Variants in ABCA5 observed in about 807,000 individuals in gnomAD.
ABCA5 encodes the protein ATP binding cassette subfamily A member 5.
A neutral mutation model predicts 206.0 loss-of-function variants in ABCA5; 163 were observed. The ratio of observed to expected loss-of-function variants is 0.79; its 90% CI spans 0.70 to 0.90. ABCA5 has a LOEUF of 0.90. Ranked by LOEUF, ABCA5 falls within the 40% of genes least tolerant of loss-of-function variation. ABCA5 has a pLI of 0.00. For missense variants in ABCA5, 1,859 were observed against 1,912.9 expected (o/e 0.97, Z 0.53); for synonymous variants, 609 against 613.8 (o/e 0.99, Z 0.11).
chr17:69,250,040 A>G, intron 36 of ABCA5, 56 bp from the exon 37 acceptor site: 2 of 1,098,730 alleles, frequency 1.8e-6, no homozygotes, highest in Non-Finnish European at 2.5e-6. Flanking sequence ...ATTATGTTCT[A>G]AAGCTAAAGT....
At chr17:69,279,710 G>A (rs2075371157) in intron 18 of ABCA5, among the ~76,000 whole-genome samples, 1 of 151,990 alleles carries the variant, frequency 6.6e-6, no homozygotes, top group Non-Finnish European at 1.5e-5. Flanking sequence ...ACAGAACAGA[G>A]CCCTCAGAAA....
chr17:69,312,320 G>A (rs1048096674), intron 3 of ABCA5, among the ~76,000 whole-genome samples: 1 of 152,110 alleles, frequency 6.6e-6, no homozygotes, highest in Non-Finnish European at 1.5e-5. Flanking sequence ...TGGCACTTTA[G>A]GTGGAGGCCA....
chr17:69,253,546 G>A lies in ABCA5; in HGVS notation c.4415+27C>T, dbSNP rs776326867. On this transcript the variant is annotated intron_variant, in intron 34 of 38. Transcript: ENST00000392676. Reference sequence around the variant, plus strand: ...AAACTGTTCTATTCTAAAGTATCATGTACTGTGTCACAAGTACCATACTCA... The same window carrying A: ...AAACTGTTCTATTCTAAAGTATCATATACTGTGTCACAAGTACCATACTCA... The A allele has an allele frequency of 2.0e-6, 3 of 1,473,430 alleles. No homozygotes were observed. The South Asian group carries it at 3.4e-5, about 17-fold the overall frequency. 91.3% of individuals were successfully genotyped at this position (1,473,430 alleles called of 1,614,324 possible).
chr17:69,308,310 T>C lies in ABCA5; in HGVS notation c.528A>G (p.Leu176=). 2 of 1,611,736 alleles carry C rather than the reference T, an allele frequency of 1.2e-6. No individual in the cohort carries two copies. Among genetic ancestry groups the C allele is most frequent in the African/African-American group, 1.3e-5 (1 of 74,994 alleles). The change falls in exon 5 of 39, where the codon TTA becomes TTG. Residue 176 remains leucine, a synonymous_variant. Coordinates refer to ENST00000392676, the MANE Select transcript of ABCA5 (RefSeq NM_172232.4). ...AQYWSSGFTV[L]QASIDAAIIQ... ...TAATGGCAGCATCTATGGATGCTTG[T>C]AAAACTGTGAAACCTGAGGACCAGT...
chr17:69,318,847 G>T, intron 1 of ABCA5: 1 of 704,982 alleles, frequency 1.4e-6, no homozygotes, highest in South Asian at 1.4e-5. Flanking sequence ...ATCCCTTTAT[G>T]AATCTTGTGA....
chr17:69,251,949 G>A, intron 34 of ABCA5, 83 bp from the exon 35 acceptor site: 1 of 1,414,678 alleles, frequency 7.1e-7, no homozygotes, highest in Non-Finnish European at 9.6e-7. Flanking sequence ...CAACCGGTTG[G>A]TTAATTAAGT....
At chr17:69,270,543 G>T in intron 22 of ABCA5, 70 bp downstream of exon 22, 1 of 1,343,888 alleles carries the variant, frequency 7.4e-7, no homozygotes, top group Non-Finnish European at 1.0e-6. Context: ...TGTTATTTTT[G>T]CTTAGTTTTT....
At chr17:69,264,983 A>C in intron 23 of ABCA5, 78 bp from the exon 24 acceptor site, 1 of 1,057,378 alleles carries the variant, frequency 9.5e-7, no homozygotes, top group Non-Finnish European at 1.3e-6. Flanking sequence ...ATTATTGTAG[A>C]TCTCTTAATT....
Position 69,302,765 on chromosome 17 carries a change from G to C in ABCA5, c.1072C>G (p.Leu358Val), listed in dbSNP as rs2075665566. 6.3e-7 allele frequency: 1 copy of C among 1,596,560 alleles called. No homozygotes were observed. The highest frequency in any genetic ancestry group is 8.5e-7 in the Non-Finnish European group (1 of 1,175,380). ...GTACAGTGACAGAAAGGACTGAAAA[G>C]CCACACTAACGATTTGGGAAAACTT... is the stretch of plus-strand genomic sequence containing the variant. ...IESFPKSLVW[L>V]FSPFCHCTFV... The change falls in exon 8 of 39, where the codon CTT (leucine) becomes GTT (valine). Residue 358 changes from leucine to valine, a missense_variant. Coordinates refer to ENST00000392676, the MANE Select transcript of ABCA5 (RefSeq NM_172232.4).
intron 1 of ABCA5, among the ~76,000 whole-genome samples, chr17:69,321,677 C>T (rs772481763): frequency 9.9e-5 from 15 of 151,976 alleles, no homozygotes; most frequent in Admixed American, 5.2e-4. Context: ...CAAAATCTTA[C>T]CAATGAAATA....
At position 69,264,983 on chromosome 17, in the gene ABCA5, A is replaced by G. The variant is rs2075192388; in HGVS notation, c.3145-78T>C. 6.6e-6 allele frequency: 7 copies of G among 1,057,260 alleles called. 1 individual carries two copies. Among genetic ancestry groups the G allele is most frequent in the Non-Finnish European group, 8.8e-6 (7 of 793,930 alleles). 65.5% of individuals were successfully genotyped at this position (1,057,260 alleles called of 1,614,324 possible). ...CAAATAAATTAGTAAATTATTGTAGATCTCTTAATTTTACATCAGCAAAAC... is the reference window on the plus strand; with the variant it reads ...CAAATAAATTAGTAAATTATTGTAGGTCTCTTAATTTTACATCAGCAAAAC... On this transcript the variant is annotated intron_variant, in intron 23 of 38. Transcript: ENST00000392676.
At chr17:69,255,891 T>A in intron 29 of ABCA5, 41 bp from the exon 30 acceptor site, 2 of 1,465,326 alleles carry the variant, frequency 1.4e-6, no homozygotes, top group Non-Finnish European at 1.8e-6. Flanking sequence ...GTTATAAAAC[T>A]TATCATGAAA....
At chr17:69,319,816 A>G (rs2075847908) in intron 1 of ABCA5, among the ~76,000 whole-genome samples, 1 of 152,208 alleles carries the variant, frequency 6.6e-6, no homozygotes, top group African/African-American at 2.4e-5. Flanking sequence ...TCTTGCAAAA[A>G]AGCATCTTAA....
intron 6 of ABCA5, among the ~76,000 whole-genome samples, chr17:69,305,783 A>C (rs1448735186): frequency 6.6e-6 from 1 of 152,100 alleles, no homozygotes; most frequent in Non-Finnish European, 1.5e-5. Context: ...AGATGGGAGA[A>C]TCTCTTGAGC....
At chr17:69,286,966 G>T (rs2075462229) in intron 15 of ABCA5, among the ~76,000 whole-genome samples, 1 of 152,162 alleles carries the variant, frequency 6.6e-6, no homozygotes, top group African/African-American at 2.4e-5. Flanking sequence ...CTGCTTACAA[G>T]GTTGGCCCTT....
chr17:69,288,353 A>G (rs2075483756), intron 14 of ABCA5, among the ~76,000 whole-genome samples: 1 of 152,192 alleles, frequency 6.6e-6, no homozygotes, highest in Non-Finnish European at 1.5e-5. Flanking sequence ...CTCTGTTTCT[A>G]TGACAGAGAA....
At chr17:69,302,555 A>G (rs1393696088) in intron 8 of ABCA5, among the ~76,000 whole-genome samples, 163 bp downstream of exon 8, 1 of 152,230 alleles carries the variant, frequency 6.6e-6, no homozygotes, top group Non-Finnish European at 1.5e-5. Context: ...ACAAACATAA[A>G]TAAAACTAGA....
chr17:69,256,330 T>C (rs1299437453), intron 28 of ABCA5, 47 bp from the exon 29 acceptor site: 4 of 1,275,692 alleles, frequency 3.1e-6, no homozygotes, highest in Middle Eastern at 2.5e-4. Context: ...TTCAAATAAT[T>C]AAAATAGTAA....
chr17:69,326,111 G>A lies in ABCA5; in HGVS notation c.-16+941C>T, dbSNP rs533208157. On this transcript the variant is annotated intron_variant, in intron 1 of 38. Coordinates refer to ENST00000392676, the MANE Select transcript of ABCA5 (RefSeq NM_172232.4). This position sits in a 1 kb window ranked among gnomAD's most constrained non-coding sequence, Gnocchi z 4.8. ...CCAGAATTAGGGTCTGGCAGCCCGG[G>A]TTGGAATCTCAACTCCATCCTTTTA... is the stretch of plus-strand genomic sequence containing the variant. Among the ~76,000 whole-genome samples the A allele has an allele frequency of 1.6e-4, 24 of 152,274 alleles. No individual in the cohort carries two copies. The highest frequency in any genetic ancestry group is 5.3e-4 in the African/African-American group (22 of 41,556).
Sources: gnomAD v4.1 joint callset for allele counts (sites outside exome capture counted in the v4.1 genomes callset) on GRCh38, gnomAD v4.1.1 for gene constraint, Gnocchi (gnomAD v3.1) non-coding constraint, MANE v1.5 for transcripts, NCBI Gene and HGNC (gene_info 2026-07-23, HGNC 2026-07-21) for gene names.